The following PACS2 variants were observed in gnomAD, a reference collection of about 807,000 sequenced individuals.
The protein encoded by PACS2 is PACS1-like protein.
PACS2 carries 36 observed loss-of-function variants against 113.0 expected under a neutral mutation model. The ratio of observed to expected loss-of-function variants is 0.32; its 90% CI spans 0.24 to 0.42. The LOEUF (loss-of-function observed/expected upper bound fraction) is 0.42. Among genes scored for constraint, PACS2 ranks in the 10% least tolerant of loss-of-function variants. The pLI is 1.00. For synonymous variants in PACS2, 589 were observed against 536.1 expected (o/e 1.10, Z -1.36); for missense variants, 1,015 against 1,239.5 (o/e 0.82, Z 2.72).
intron 1 of PACS2, among the ~76,000 whole-genome samples, chr14:105,335,934 C>T (rs1260176291): frequency 6.6e-6 from 1 of 152,176 alleles, no homozygotes; most frequent in Non-Finnish European, 1.5e-5. Flanking sequence ...GCCCTGGGGC[C>T]CAGCTACGAG....
intron 4 of PACS2, among the ~76,000 whole-genome samples, chr14:105,359,772 T>C (rs1200661130): frequency 3.9e-5 from 6 of 152,166 alleles, no homozygotes; most frequent in South Asian, 4.1e-4. Flanking sequence ...TCTGTATTTT[T>C]AGTAGAGACG....
chr14:105,384,595 G>A, intron 17 of PACS2, 132 bp downstream of exon 17: 1 of 639,044 alleles, frequency 1.6e-6, no homozygotes, highest in Non-Finnish European at 2.7e-6. Context: ...GACAGGGCCT[G>A]CTGGGGCCTT....
Position 105,383,466 on chromosome 14 carries a change from A to G in PACS2, c.1733A>G (p.Lys578Arg). The G allele has an allele frequency of 1.2e-6, 2 of 1,608,908 alleles. No individual in the cohort carries two copies. The highest frequency in any genetic ancestry group is 2.2e-5 in the South Asian group (2 of 90,996). ...CTCTTTGTGGAGCAGCTGTCCCACAAGACACCCGACTGGCTCGGCTACATG... is the reference window on the plus strand; with the variant it reads ...CTCTTTGTGGAGCAGCTGTCCCACAGGACACCCGACTGGCTCGGCTACATG... ...LRLFVEQLSH[K>R]TPDWLGYMRF... Residue 578 changes from lysine to arginine, a missense_variant, in exon 16 of 25, where the codon AAG (lysine) becomes AGG (arginine). Around this residue, in one of 3 missense-constraint regions of PACS2, gnomAD observed 859 missense variants for 1,056.8 expected, o/e 0.81. Transcript: ENST00000447393.
intron 1 of PACS2, among the ~76,000 whole-genome samples, chr14:105,342,101 A>G (rs2059748599): frequency 6.6e-6 from 1 of 152,258 alleles, no homozygotes; most frequent in Admixed American, 6.5e-5. Context: ...GAAATCTTGC[A>G]GTACCTGCAC....
intron 8 of PACS2, among the ~76,000 whole-genome samples, chr14:105,374,018 C>T (rs1394299563): frequency 4.0e-5 from 6 of 151,740 alleles, no homozygotes; most frequent in East Asian, 1.9e-4. Context: ...AGCCAGGCAT[C>T]GTGGCGGGTG....
chr14:105,389,641 G>A, intron 19 of PACS2: 1 of 395,230 alleles, frequency 2.5e-6, no homozygotes, highest in South Asian at 3.1e-5. Context: ...CGGGCACCTA[G>A]GATGGCAGAG....
At chr14:105,394,499 A>T in intron 24 of PACS2, 55 bp from the exon 25 acceptor site, 1 of 1,600,916 alleles carries the variant, frequency 6.2e-7, no homozygotes, top group South Asian at 1.1e-5. Flanking sequence ...AGGCAGGTGG[A>T]TAGGGTGGGC....
At chr14:105,318,195 C>T (rs2058745626) in intron 1 of PACS2, among the ~76,000 whole-genome samples, 1 of 152,228 alleles carries the variant, frequency 6.6e-6, no homozygotes, top group African/African-American at 2.4e-5. Context: ...GTTGCCCAGA[C>T]TGGTCTTGAA....
chr14:105,384,316 C>T (rs372618080), intron 16 of PACS2, 37 bp from the exon 17 acceptor site: 3 of 1,266,200 alleles, frequency 2.4e-6, no homozygotes, highest in Non-Finnish European at 3.4e-6. Flanking sequence ...AGCTCCGAGT[C>T]CCCCGTGGTG....
chr14:105,350,783 C>T (rs587653841), intron 2 of PACS2, among the ~76,000 whole-genome samples: 10 of 152,326 alleles, frequency 6.6e-5, no homozygotes, highest in South Asian at 2.1e-4. Context: ...AAGAGGGACC[C>T]GACGCAGAGC....
chr14:105,316,703 G>A (rs2058658633), intron 1 of PACS2, among the ~76,000 whole-genome samples: 1 of 151,856 alleles, frequency 6.6e-6, no homozygotes, highest in African/African-American at 2.4e-5. Flanking sequence ...TGTGGGGAGG[G>A]TATGGGTAGG....
In PACS2 at chr14:105,314,982, A is replaced by C. The variant is rs1198285597; in HGVS notation, c.64A>C (p.Met22Leu). 1 of 1,245,552 alleles carries C rather than the reference A, an allele frequency of 8.0e-7. No homozygotes were observed. The highest frequency in any genetic ancestry group is 1.6e-5 in the South Asian group (1 of 63,196). The allele number at this position is 1,245,552 out of a possible 1,614,324, so 77.2% of individuals were successfully genotyped here. A position where few individuals can be genotyped will look rare whatever the true frequency, so the allele number is the denominator to read the frequency against. Residue 22 changes from methionine (M) to leucine (L), a missense_variant, in exon 1 of 25, where the codon ATG becomes CTG. Physicochemically the swap from Met to Leu is conservative, Grantham distance 15. Transcript: ENST00000447393. ...CGGCGCGCTCAACACGCCCGTGCCC[A>C]TGAACCTGTTCGCCACCTGGGAGGT... ...APGALNTPVP[M>L]NLFATWEVDG... is the part of the protein sequence containing the mutation.
At chr14:105,331,143 C>T (rs1471189180) in intron 1 of PACS2, among the ~76,000 whole-genome samples, 5 of 151,934 alleles carry the variant, frequency 3.3e-5, no homozygotes, top group African/African-American at 9.7e-5. Flanking sequence ...TTAGTAGAGA[C>T]GGGGTTTCAC....
In PACS2 at chr14:105,376,941, CG is replaced by C; in HGVS notation, c.959+20del. ...CGAAGCTGCGGTGAGCCCTACAGGG[CG>C]GGGCGGGGAGGAACAGCCATTTCAG... On this transcript the variant is annotated intron_variant, in intron 9 of 24. Coordinates refer to ENST00000447393, the MANE Select transcript of PACS2 (RefSeq NM_001100913.3). This position sits in a 1 kb window ranked among gnomAD's most constrained non-coding sequence, Gnocchi z 4.7. 6.3e-7 allele frequency: 1 copy of C among 1,582,942 alleles called. No homozygotes were observed. Among genetic ancestry groups the C allele is most frequent in the Non-Finnish European group, 8.6e-7 (1 of 1,163,056 alleles).
At chr14:105,312,067 C>A (rs1224943974), upstream of PACS2, among the ~76,000 whole-genome samples, 5 of 152,222 alleles carry the variant, frequency 3.3e-5, no homozygotes, top group Non-Finnish European at 7.3e-5. Flanking sequence ...CCCTCCCCCA[C>A]TCCCCGACTT....
rs1382183236 is a variant in PACS2 at position 105,395,001 on chromosome 14, T to G, written c.*329T>G. 3.8e-6 allele frequency: 1 copy of G among 264,706 alleles called. No homozygotes were observed. The highest frequency in any genetic ancestry group is 7.4e-6 in the Non-Finnish European group (1 of 134,552). 16.4% of individuals were successfully genotyped at this position (264,706 alleles called of 1,614,324 possible). On this transcript the variant is annotated 3_prime_UTR_variant, in exon 25 of 25. Coordinates refer to ENST00000447393, the MANE Select transcript of PACS2 (RefSeq NM_001100913.3). ...TCTTGCCTCTGTGTCCTGTCCTTCC[T>G]GGAAGTCAGGACTCTGCTTCCTCAG...
At chr14:105,304,370 T>C (rs893664503) in intron 1 of PACS2, among the ~76,000 whole-genome samples, 1 of 151,998 alleles carries the variant, frequency 6.6e-6, no homozygotes, top group African/African-American at 2.4e-5. Context: ...CGCCTGTAGT[T>C]CCAGCTACTC....
In PACS2 at chr14:105,354,663, G is replaced by A. The variant is rs1461974183; in HGVS notation, c.298-389G>A. Among the ~76,000 whole-genome samples, 2 of 152,208 alleles carry A rather than the reference G, an allele frequency of 1.3e-5. No individual in the cohort carries two copies. The highest frequency in any genetic ancestry group is 2.9e-5 in the Non-Finnish European group (2 of 68,034). Reference sequence around the variant, plus strand: ...CCTCCCCGCCCTGTGTGCCCCTCGCGGAAAAGCGTCCTGGGTCCCACCTTG... The same window carrying A: ...CCTCCCCGCCCTGTGTGCCCCTCGCAGAAAAGCGTCCTGGGTCCCACCTTG... On this transcript the variant is annotated intron_variant, in intron 3 of 24. Coordinates refer to ENST00000447393, the MANE Select transcript of PACS2 (RefSeq NM_001100913.3). This position sits in a 1 kb window ranked among gnomAD's most constrained non-coding sequence, Gnocchi z 4.2.
chr14:105,342,454 A>T (rs1170374350), intron 1 of PACS2, among the ~76,000 whole-genome samples: 1 of 151,644 alleles, frequency 6.6e-6, no homozygotes, highest in Non-Finnish European at 1.5e-5. Context: ...TTTTTTGTAG[A>T]GACAGGGTTT....
Sources: gnomAD v4.1 joint callset for allele counts (sites outside exome capture counted in the v4.1 genomes callset) on GRCh38, gnomAD v4.1.1 for gene constraint, gnomAD v4.1.1 regional missense constraint, Gnocchi (gnomAD v3.1) non-coding constraint, MANE v1.5 for transcripts, NCBI Gene and HGNC (gene_info 2026-07-23, HGNC 2026-07-21) for gene names.